The following PRELID2 variants were observed in gnomAD, a reference collection of about 807,000 sequenced individuals.
PRELID2 encodes the protein PRELI domain-containing protein 2.
PRELID2 carries 25 observed loss-of-function variants against 28.4 expected under a neutral mutation model. That is an observed-to-expected ratio of 0.88 (90% CI 0.64 to 1.23). The LOEUF (loss-of-function observed/expected upper bound fraction) is 1.23, where lower values mean the gene tolerates loss of function less well. Among genes scored for constraint, PRELID2 ranks in the 50% most tolerant of loss-of-function variants. The pLI, the probability that PRELID2 is intolerant of heterozygous loss-of-function variation, is 0.00. For synonymous variants in PRELID2, 76 were observed against 71.6 expected (o/e 1.06, Z -0.31); for missense variants, 201 against 214.4 (o/e 0.94, Z 0.39).
At chr5:145,786,931 T>G (rs562443262) in intron 5 of PRELID2, among the ~76,000 whole-genome samples, 2 of 152,326 alleles carry the variant, frequency 1.3e-5, no homozygotes, top group Admixed American at 1.3e-4. Context: ...CCAGACCTTC[T>G]TAAAAGCGAT....
At chr5:145,753,917 C>G (rs1757191428), downstream of PRELID2, among the ~76,000 whole-genome samples, 1 of 152,144 alleles carries the variant, frequency 6.6e-6, no homozygotes, top group Admixed American at 6.5e-5. Flanking sequence ...TCTTAGGACT[C>G]TCCCTTTCCA....
intron 1 of PRELID2, among the ~76,000 whole-genome samples, chr5:145,484,352 T>C (rs1194634826): frequency 6.6e-6 from 1 of 152,174 alleles, no homozygotes; most frequent in African/African-American, 2.4e-5. Context: ...AAAAAATCAA[T>C]GTAGCCTATT....
the PRELID2 span, among the ~76,000 whole-genome samples, chr5:145,313,624 C>T: frequency 2.0e-4 from 31 of 152,162 alleles, no homozygotes; most frequent in Non-Finnish European, 3.8e-4. Context: ...AAGGTGTGCT[C>T]ATCTGGAACT....
the PRELID2 span, among the ~76,000 whole-genome samples, chr5:145,284,034 C>T: frequency 3.9e-5 from 6 of 152,076 alleles, no homozygotes; most frequent in East Asian, 3.9e-4. Flanking sequence ...GTTTAAAATC[C>T]GGCTTACTGT....
the PRELID2 span, among the ~76,000 whole-genome samples, chr5:145,334,433 G>A: frequency 1.3e-5 from 2 of 151,946 alleles, no homozygotes; most frequent in East Asian, 1.9e-4. Context: ...ATATATTATT[G>A]TTGCTATAGT....
In PRELID2 at chr5:145,634,824, G is replaced by T. The variant is rs552426562; in HGVS notation, n.70+130107C>A. Among the ~76,000 whole-genome samples the T allele has an allele frequency of 3.3e-5, 5 of 152,294 alleles. No individual in the cohort carries two copies. The South Asian group carries it at 1.0e-3, about 32-fold the overall frequency. On this transcript the variant is annotated intron_variant and non_coding_transcript_variant, in intron 1 of 2. Coordinates refer to the PRELID2 transcript ENST00000510259. ...TGAATAAAGGAAGAAAGGAATCAGC[G>T]AATGAAGTCATTCTTTTAAAATATA...
intron 1 of PRELID2, among the ~76,000 whole-genome samples, chr5:145,731,726 G>T (rs963394548): frequency 6.6e-6 from 1 of 152,054 alleles, no homozygotes; most frequent in Non-Finnish European, 1.5e-5. Context: ...AAATACCTGC[G>T]CCTCTTTCTA....
the PRELID2 span, among the ~76,000 whole-genome samples, chr5:145,422,562 CT>C: frequency 7.3e-5 from 11 of 151,054 alleles, no homozygotes; most frequent in Non-Finnish European, 1.2e-4. Context: ...CAACCCCTGC[CT>C]TTTTTTTTGT....
At chr5:145,335,907 C>T in the PRELID2 span, among the ~76,000 whole-genome samples, 6 of 152,120 alleles carry the variant, frequency 3.9e-5, no homozygotes, top group Admixed American at 1.3e-4. Context: ...AAAGTGTTCC[C>T]ATTTCTCCAC....
At chr5:145,467,933 A>G (rs1180012838), downstream of PRELID2, among the ~76,000 whole-genome samples, 1 of 151,406 alleles carries the variant, frequency 6.6e-6, no homozygotes. Context: ...TTTTTTTATT[A>G]TACTTTAAGT....
intron 1 of PRELID2, among the ~76,000 whole-genome samples, chr5:145,606,351 T>C (rs1247149615): frequency 6.6e-6 from 1 of 152,148 alleles, no homozygotes; most frequent in African/African-American, 2.4e-5. Flanking sequence ...GTTCCAGTTT[T>C]CAGGAGTAAT....
At chr5:145,291,598 A>G in the PRELID2 span, among the ~76,000 whole-genome samples, 1 of 152,118 alleles carries the variant, frequency 6.6e-6, no homozygotes, top group Non-Finnish European at 1.5e-5. Flanking sequence ...ATGCTTCGTT[A>G]TGGCAGCCCT....
chr5:145,829,355 T>G (rs1581299184), intron 1 of PRELID2, among the ~76,000 whole-genome samples: 1 of 152,328 alleles, frequency 6.6e-6, no homozygotes, highest in Middle Eastern at 3.4e-3. Context: ...TTACTCTAAG[T>G]TAGTAATGAT....
the PRELID2 span, among the ~76,000 whole-genome samples, chr5:145,319,625 C>T: frequency 2.0e-5 from 3 of 151,776 alleles, no homozygotes; most frequent in Admixed American, 6.6e-5. Context: ...GAGCCGAATT[C>T]GTGCCACTGC....
At chr5:145,376,521 T>C in the PRELID2 span, among the ~76,000 whole-genome samples, 155 of 152,280 alleles carry the variant, frequency 1.0e-3, 1 homozygote, top group Non-Finnish European at 5.9e-4. Context: ...TGAATCCATC[T>C]GTTCCTGGGC....
At chr5:145,414,599 T>C in the PRELID2 span, among the ~76,000 whole-genome samples, 3 of 152,234 alleles carry the variant, frequency 2.0e-5, no homozygotes, top group Non-Finnish European at 2.9e-5. Flanking sequence ...GTGGTAGATA[T>C]ATAGTAGGCC....
In PRELID2 at chr5:145,546,131, A is replaced by G. The variant is rs61426207; in HGVS notation, n.71-72816T>C. 7.7e-3 allele frequency among the ~76,000 whole-genome samples: 1,171 copies of G among 152,242 alleles called. 22 individuals carry two copies. The highest frequency in any genetic ancestry group is 0.027 in the African/African-American group (1,123 of 41,560). The stretch of plus-strand genomic sequence containing the variant: ...TACTATAAAACATAAAAACTTGTGA[A>G]GTGTATGACATTATTATCATTATAT... On this transcript the variant is annotated intron_variant and non_coding_transcript_variant, in intron 1 of 2. Coordinates refer to the PRELID2 transcript ENST00000510259.
At chr5:145,387,103 T>G in the PRELID2 span, among the ~76,000 whole-genome samples, 1 of 152,226 alleles carries the variant, frequency 6.6e-6, no homozygotes, top group East Asian at 1.9e-4. Context: ...AGCATTCATT[T>G]TGCAAATAAC....
intron 1 of PRELID2, among the ~76,000 whole-genome samples, chr5:145,683,974 A>G (rs995053941): frequency 6.6e-6 from 1 of 152,166 alleles, no homozygotes; most frequent in Admixed American, 6.5e-5. Context: ...AGAGCGACAC[A>G]AAGTTTTCTA....
Sources: gnomAD v4.1 joint callset for allele counts (sites outside exome capture counted in the v4.1 genomes callset) on GRCh38, gnomAD v4.1.1 for gene constraint, MANE v1.5 for transcripts, NCBI Gene and HGNC (gene_info 2026-07-23, HGNC 2026-07-21) for gene names.